PNMA8C: variants seen among roughly 807,000 people sequenced by gnomAD.
PNMA8C encodes PNMA family member 8C, also known as paraneoplastic antigen-like protein 8C.
rs752734835 is a variant in PNMA8C, at chr19:46,426,343, A to G, written c.*1402T>C. Reference sequence around the variant, plus strand: ...TGTAAGAGAGACTCAGCGTGTAGAGAAAGACGACAGCTTTTCAAGAGCCGC... The same window carrying G: ...TGTAAGAGAGACTCAGCGTGTAGAGGAAGACGACAGCTTTTCAAGAGCCGC... On this transcript the variant is annotated 3_prime_UTR_variant, in exon 1 of 1. Coordinates refer to ENST00000617053, the MANE Select transcript of PNMA8C (RefSeq NM_001386793.1). 1.3e-5 allele frequency: 2 copies of G among 151,984 alleles called. No individual in the cohort carries two copies. Among genetic ancestry groups the G allele is most frequent in the East Asian group, 3.9e-4 (2 of 5,148 alleles). 9.4% of individuals were successfully genotyped at this position (151,984 alleles called of 1,614,324 possible).
At position 46,427,405 on chromosome 19, in the gene PNMA8C, A is replaced by C; in HGVS notation, c.*340T>G. On this transcript the variant is annotated 3_prime_UTR_variant, in exon 1 of 1. Coordinates refer to ENST00000617053, the MANE Select transcript of PNMA8C (RefSeq NM_001386793.1). Reference sequence around the variant, plus strand: ...TGAGTTTACTCCCTTCCATATCCCCAGCTCCTGGAACATAGTAGGTATGCA... The same window carrying C: ...TGAGTTTACTCCCTTCCATATCCCCCGCTCCTGGAACATAGTAGGTATGCA... The C allele has an allele frequency of 5.3e-6, 1 of 187,588 alleles. No individual in the cohort carries two copies. The highest frequency in any genetic ancestry group is 1.1e-5 in the Non-Finnish European group (1 of 92,274). 11.6% of individuals were successfully genotyped at this position (187,588 alleles called of 1,614,324 possible). A position where few individuals can be genotyped will look rare whatever the true frequency, so the allele number is the denominator to read the frequency against.
rs1025238723 is a variant in PNMA8C at position 46,426,685 on chromosome 19, T to C, written c.*1060A>G. ...CCCGAGTAGGGATCTCCCTGACACG[T>C]TCCTCCTGGGTCTGCGTGAGTTTTC... On this transcript the variant is annotated 3_prime_UTR_variant, in exon 1 of 1. Coordinates refer to ENST00000617053, the MANE Select transcript of PNMA8C (RefSeq NM_001386793.1). The C allele has an allele frequency of 8.5e-5, 13 of 152,186 alleles. No homozygotes were observed. The highest frequency in any genetic ancestry group is 1.6e-4 in the Non-Finnish European group (11 of 68,050). The allele number at this position is 152,186 out of a possible 1,614,324, so 9.4% of individuals were successfully genotyped here. A position where few individuals can be genotyped will look rare whatever the true frequency, so the allele number is the denominator to read the frequency against.
In PNMA8C at chr19:46,428,566, C is replaced by G; in HGVS notation, c.-207G>C. The stretch of plus-strand genomic sequence containing the variant: ...CCCTGCCTGCAGGGCTGTGCAACGT[C>G]GGGGCTTCTGTGGCTCCCTCTGAGT... On this transcript the variant is annotated 5_prime_UTR_variant, in exon 1 of 1. Transcript: ENST00000617053. 2.5e-6 allele frequency: 1 copy of G among 394,026 alleles called. No individual in the cohort carries two copies. 24.4% of individuals were successfully genotyped at this position (394,026 alleles called of 1,614,324 possible).
In PNMA8C at chr19:46,428,334, G is replaced by T. The variant is rs1255246472; in HGVS notation, c.26C>A (p.Ala9Glu). 1 of 398,584 alleles carries T rather than the reference G, an allele frequency of 2.5e-6. No individual in the cohort carries two copies. Among genetic ancestry groups the T allele is most frequent in the Non-Finnish European group, 4.4e-6 (1 of 226,112 alleles). 24.7% of individuals were successfully genotyped at this position (398,584 alleles called of 1,614,324 possible). The change falls in exon 1 of 1, where the codon GCA becomes GAA. Residue 9 changes from alanine to glutamate, a missense_variant. Physicochemically the swap from Ala to Glu is moderately radical, Grantham distance 107 (BLOSUM62 -1). Coordinates refer to ENST00000617053, the MANE Select transcript of PNMA8C (RefSeq NM_001386793.1). Reference sequence around the variant, plus strand: ...GGCCTTGCACCCGTGCTCCAACAGTGCAATGTCCTTCACCCCGAACAGCAT... The same window carrying T: ...GGCCTTGCACCCGTGCTCCAACAGTTCAATGTCCTTCACCCCGAACAGCAT... MLFGVKDIALLEHGCKALE... is the reference protein window; with the variant it reads MLFGVKDIELLEHGCKALE...
rs366743 is a variant in PNMA8C, at chr19:46,428,485, G to A, written c.-126C>T. On this transcript the variant is annotated 5_prime_UTR_variant, in exon 1 of 1. Coordinates refer to ENST00000617053, the MANE Select transcript of PNMA8C (RefSeq NM_001386793.1). ...GGCTACGAGAGAGTGAGGCCTCAGG[G>A]GCCGGAGGCCGCTCCCAGGACCCCT... is the stretch of plus-strand genomic sequence containing the variant. 33,040 of 397,686 alleles carry A rather than the reference G, an allele frequency of 0.083. 1,663 individuals are homozygous for A. The highest frequency in any genetic ancestry group is 0.17 in the African/African-American group (8,344 of 48,724). 24.6% of individuals were successfully genotyped at this position (397,686 alleles called of 1,614,324 possible). A position where few individuals can be genotyped will look rare whatever the true frequency, so the allele number is the denominator to read the frequency against.
rs116526845 is a variant in PNMA8C, at chr19:46,428,585, T to C, written c.-226A>G. On this transcript the variant is annotated 5_prime_UTR_variant, in exon 1 of 1. Coordinates refer to ENST00000617053, the MANE Select transcript of PNMA8C (RefSeq NM_001386793.1). Reference sequence around the variant, plus strand: ...CAACGTCGGGGCTTCTGTGGCTCCCTCTGAGTGGGCTCGAAGATTCCCAGG... The same window carrying C: ...CAACGTCGGGGCTTCTGTGGCTCCCCCTGAGTGGGCTCGAAGATTCCCAGG... The C allele has an allele frequency of 0.018, 6,890 of 390,282 alleles. 106 individuals are homozygous for C. Among genetic ancestry groups the C allele is most frequent in the African/African-American group, 0.051 (2,466 of 48,592 alleles). The allele number at this position is 390,282 out of a possible 1,614,324, so 24.2% of individuals were successfully genotyped here. A position where few individuals can be genotyped will look rare whatever the true frequency, so the allele number is the denominator to read the frequency against.
At position 46,427,918 on chromosome 19, in the gene PNMA8C, A is replaced by G. The variant is rs1255440830; in HGVS notation, c.442T>C (p.Cys148Arg). Reference sequence around the variant, plus strand: ...TTCTCCCCCAGCCCAGGCACAGAGCACTTTCTTGCAGGCAGCTCTCTGGGG... The same window carrying G: ...TTCTCCCCCAGCCCAGGCACAGAGCGCTTTCTTGCAGGCAGCTCTCTGGGG... ...TGPRELPARKCSVPGLGEKPE... is the reference protein window; with the variant it reads ...TGPRELPARKRSVPGLGEKPE... Residue 148 changes from cysteine (C) to arginine (R), a missense_variant, in exon 1 of 1, where the codon TGC becomes CGC. Coordinates refer to ENST00000617053, the MANE Select transcript of PNMA8C (RefSeq NM_001386793.1). 34 of 398,328 alleles carry G rather than the reference A, an allele frequency of 8.5e-5. No individual in the cohort carries two copies. In the East Asian group the frequency reaches 1.2e-3, roughly 14 times the overall value. 24.7% of individuals were successfully genotyped at this position (398,328 alleles called of 1,614,324 possible). A position where few individuals can be genotyped will look rare whatever the true frequency, so the allele number is the denominator to read the frequency against.
At position 46,427,203 on chromosome 19, in the gene PNMA8C, A is replaced by C. The variant is rs1011010079; in HGVS notation, c.*542T>G. On this transcript the variant is annotated 3_prime_UTR_variant, in exon 1 of 1. Coordinates refer to ENST00000617053, the MANE Select transcript of PNMA8C (RefSeq NM_001386793.1). ...CCTGGCACACTGTAGGTCCTCAGGA[A>C]ATTTTGTTGGTTGCATGGATACATG... The C allele has an allele frequency of 2.0e-5, 3 of 152,214 alleles. No individual in the cohort carries two copies. Among genetic ancestry groups the C allele is most frequent in the African/African-American group, 7.2e-5 (3 of 41,434 alleles). 9.4% of individuals were successfully genotyped at this position (152,214 alleles called of 1,614,324 possible). A position where few individuals can be genotyped will look rare whatever the true frequency, so the allele number is the denominator to read the frequency against.
chr19:46,426,521 GC>G lies in PNMA8C; in HGVS notation c.*1223del, dbSNP rs1471383804. On this transcript the variant is annotated 3_prime_UTR_variant, in exon 1 of 1. Transcript: ENST00000617053. ...ACATGCTTTTGAAACACAGAAAACGGCTCTAGACTTTGCAATAACAGGATTT... is the reference window on the plus strand; with the variant it reads ...ACATGCTTTTGAAACACAGAAAACGGTCTAGACTTTGCAATAACAGGATTT... 1.3e-5 allele frequency: 2 copies of G among 152,066 alleles called. No individual in the cohort carries two copies. The highest frequency in any genetic ancestry group is 2.9e-5 in the Non-Finnish European group (2 of 68,010). 9.4% of individuals were successfully genotyped at this position (152,066 alleles called of 1,614,324 possible).
rs1184046189 is a variant in PNMA8C at position 46,426,191 on chromosome 19, C to G, written c.*1554G>C. 2 of 152,134 alleles carry G rather than the reference C, an allele frequency of 1.3e-5. No individual in the cohort carries two copies. Among genetic ancestry groups the G allele is most frequent in the South Asian group, 2.1e-4 (1 of 4,834 alleles). 9.4% of individuals were successfully genotyped at this position (152,134 alleles called of 1,614,324 possible). A position where few individuals can be genotyped will look rare whatever the true frequency, so the allele number is the denominator to read the frequency against. Reference sequence around the variant, plus strand: ...TTGGACCATTGCCCAGAAGCCTTGCCTCTTCTTTAGAGAGTGGAGTTCACT... The same window carrying G: ...TTGGACCATTGCCCAGAAGCCTTGCGTCTTCTTTAGAGAGTGGAGTTCACT... On this transcript the variant is annotated 3_prime_UTR_variant, in exon 1 of 1. Coordinates refer to ENST00000617053, the MANE Select transcript of PNMA8C (RefSeq NM_001386793.1).
Position 46,426,764 on chromosome 19 carries a change from T to G in PNMA8C, c.*981A>C, listed in dbSNP as rs1451312064. On this transcript the variant is annotated 3_prime_UTR_variant, in exon 1 of 1. Transcript: ENST00000617053. ...CTTGGAATCCAGGACCGTTTCCACC[T>G]CCTCCATTTTCTGCAAAGGGCGCAG... 4 of 152,274 alleles carry G rather than the reference T, an allele frequency of 2.6e-5. No homozygotes were observed. The highest frequency in any genetic ancestry group is 9.6e-5 in the African/African-American group (4 of 41,462). 9.4% of individuals were successfully genotyped at this position (152,274 alleles called of 1,614,324 possible).
chr19:46,428,433 T>C lies in PNMA8C; in HGVS notation c.-74A>G, dbSNP rs1454463854. ...GCTGCCTCGGGAATCCACGAAATTA[T>C]CCAGGATGCCGCGATTCCTTCCCAA... On this transcript the variant is annotated 5_prime_UTR_variant, in exon 1 of 1. Coordinates refer to ENST00000617053, the MANE Select transcript of PNMA8C (RefSeq NM_001386793.1). 2.5e-6 allele frequency: 1 copy of C among 398,188 alleles called. No homozygotes were observed. Among genetic ancestry groups the C allele is most frequent in the Non-Finnish European group, 4.4e-6 (1 of 226,138 alleles). 24.7% of individuals were successfully genotyped at this position (398,188 alleles called of 1,614,324 possible).
rs1042161961 is a variant in PNMA8C, at chr19:46,425,685, T to G, written c.*2060A>C. The G allele has an allele frequency of 6.6e-6, 1 of 151,360 alleles. No individual in the cohort carries two copies. Among genetic ancestry groups the G allele is most frequent in the Non-Finnish European group, 1.5e-5 (1 of 67,984 alleles). 9.4% of individuals were successfully genotyped at this position (151,360 alleles called of 1,614,324 possible). On this transcript the variant is annotated 3_prime_UTR_variant, in exon 1 of 1. Coordinates refer to ENST00000617053, the MANE Select transcript of PNMA8C (RefSeq NM_001386793.1). ...CACTTTGGGAGACCAAGGCGGGAGA[T>G]TGAGACCATCCTGGCCAACATGGTG... is the stretch of plus-strand genomic sequence containing the variant.
rs1330661190 is a variant in PNMA8C, at chr19:46,427,735, T to TG, written c.*9dup. On this transcript the variant is annotated 3_prime_UTR_variant, in exon 1 of 1. Coordinates refer to ENST00000617053, the MANE Select transcript of PNMA8C (RefSeq NM_001386793.1). ...TCAGACACTCCCCACGCCCACCCGATGCCACCACCTCACAGCTTCTTGTCT... is the reference window on the plus strand; with the variant it reads ...TCAGACACTCCCCACGCCCACCCGATGGCCACCACCTCACAGCTTCTTGTCT... 2.5e-6 allele frequency: 1 copy of TG among 398,424 alleles called. No individual in the cohort carries two copies. The highest frequency in any genetic ancestry group is 4.4e-6 in the Non-Finnish European group (1 of 226,094). 24.7% of individuals were successfully genotyped at this position (398,424 alleles called of 1,614,324 possible). A position where few individuals can be genotyped will look rare whatever the true frequency, so the allele number is the denominator to read the frequency against.
Position 46,426,203 on chromosome 19 carries a change from G to C in PNMA8C, c.*1542C>G, listed in dbSNP as rs1969418731. The C allele has an allele frequency of 6.6e-6, 1 of 152,072 alleles. No individual in the cohort carries two copies. Among genetic ancestry groups the C allele is most frequent in the Non-Finnish European group, 1.5e-5 (1 of 68,034 alleles). The allele number at this position is 152,072 out of a possible 1,614,324, so 9.4% of individuals were successfully genotyped here. On this transcript the variant is annotated 3_prime_UTR_variant, in exon 1 of 1. Transcript: ENST00000617053. ...CCAGAAGCCTTGCCTCTTCTTTAGA[G>C]AGTGGAGTTCACTCCTCCTCACCAA...
Position 46,428,122 on chromosome 19 carries a change from A to T in PNMA8C, c.238T>A (p.Tyr80Asn). The change falls in exon 1 of 1, where the codon TAC becomes AAC. Residue 80 changes from tyrosine to asparagine, a missense_variant. Physicochemically the swap from Tyr to Asn is moderately radical, Grantham distance 143. Transcript: ENST00000617053. ...TTGATCTCCCTGGGGACCACGGCGT[A>T]ATTGATGTCCTCCGTCAGCTGAATG... ...AIIQLTEDIN[Y>N]AVVPREIKGK... The T allele has an allele frequency of 2.5e-6, 1 of 398,636 alleles. No individual in the cohort carries two copies. Among genetic ancestry groups the T allele is most frequent in the Non-Finnish European group, 4.4e-6 (1 of 226,110 alleles). The allele number at this position is 398,636 out of a possible 1,614,324, so 24.7% of individuals were successfully genotyped here. A position where few individuals can be genotyped will look rare whatever the true frequency, so the allele number is the denominator to read the frequency against.
In PNMA8C at chr19:46,426,399, G is replaced by A. The variant is rs1481235593; in HGVS notation, c.*1346C>T. ...GATCAGTGAGTTCCTCAGAGGTGGG[G>A]AGCAGGCAACTCACTCTCAGCCATG... On this transcript the variant is annotated 3_prime_UTR_variant, in exon 1 of 1. Coordinates refer to ENST00000617053, the MANE Select transcript of PNMA8C (RefSeq NM_001386793.1). 2 of 152,092 alleles carry A rather than the reference G, an allele frequency of 1.3e-5. No homozygotes were observed. Among genetic ancestry groups the A allele is most frequent in the East Asian group, 3.9e-4 (2 of 5,182 alleles). 9.4% of individuals were successfully genotyped at this position (152,092 alleles called of 1,614,324 possible). A position where few individuals can be genotyped will look rare whatever the true frequency, so the allele number is the denominator to read the frequency against.
In PNMA8C at chr19:46,426,034, G is replaced by C. The variant is rs1969417352; in HGVS notation, c.*1711C>G. The C allele has an allele frequency of 6.6e-6, 1 of 152,218 alleles. No individual in the cohort carries two copies. The highest frequency in any genetic ancestry group is 6.5e-5 in the Admixed American group (1 of 15,280). The allele number at this position is 152,218 out of a possible 1,614,324, so 9.4% of individuals were successfully genotyped here. A position where few individuals can be genotyped will look rare whatever the true frequency, so the allele number is the denominator to read the frequency against. On this transcript the variant is annotated 3_prime_UTR_variant, in exon 1 of 1. Coordinates refer to ENST00000617053, the MANE Select transcript of PNMA8C (RefSeq NM_001386793.1). ...AAGTTTGCAAATTGACAGGTCCGTT[G>C]TCTCTGAGCAAAAGATCTGCCTACT...
Position 46,426,663 on chromosome 19 carries a change from G to C in PNMA8C, c.*1082C>G, listed in dbSNP as rs1048964914. The C allele has an allele frequency of 6.6e-6, 1 of 152,216 alleles. No individual in the cohort carries two copies. The highest frequency in any genetic ancestry group is 2.1e-4 in the South Asian group (1 of 4,838). 9.4% of individuals were successfully genotyped at this position (152,216 alleles called of 1,614,324 possible). On this transcript the variant is annotated 3_prime_UTR_variant, in exon 1 of 1. Transcript: ENST00000617053. ...GAAGGAGGATGGCGGCCCTTCTCCCGAGTAGGGATCTCCCTGACACGTTCC... is the reference window on the plus strand; with the variant it reads ...GAAGGAGGATGGCGGCCCTTCTCCCCAGTAGGGATCTCCCTGACACGTTCC...
Sources: gnomAD v4.1 joint callset for allele counts on GRCh38, gnomAD v4.1.1 for gene constraint, MANE v1.5 for transcripts, NCBI Gene and HGNC (gene_info 2026-07-23, HGNC 2026-07-21) for gene names.